MACROD2: variants seen among roughly 807,000 people sequenced by gnomAD.
MACROD2 encodes the protein ADP-ribose glycohydrolase MACROD2.
A neutral mutation model predicts 70.4 loss-of-function variants in MACROD2; 36 were observed. The observed-to-expected ratio is 0.51, with a 90% confidence interval of 0.39 to 0.68. The LOEUF is 0.68. MACROD2 is among the 30% of genes least tolerant of loss of function. MACROD2 has a pLI of 0.00. For synonymous variants in MACROD2, 172 were observed against 178.8 expected (o/e 0.96, Z 0.30); for missense variants, 496 against 538.4 (o/e 0.92, Z 0.78).
At chr20:15,594,982 C>T (rs559527938) in intron 8 of MACROD2, among the ~76,000 whole-genome samples, 37 of 152,196 alleles carry the variant, frequency 2.4e-4, no homozygotes, top group African/African-American at 7.5e-4. Context: ...TTCTTTGTTT[C>T]GTGTTTCCAA....
intron 8 of MACROD2, among the ~76,000 whole-genome samples, chr20:15,718,022 T>C (rs868235095): frequency 9.9e-5 from 15 of 151,326 alleles, no homozygotes; most frequent in African/African-American, 3.4e-4. Flanking sequence ...TTCTCTCTTT[T>C]TTTTTTTTTT....
At chr20:14,975,913 A>G (rs2074735161) in intron 5 of MACROD2, among the ~76,000 whole-genome samples, 1 of 152,168 alleles carries the variant, frequency 6.6e-6, no homozygotes, top group Admixed American at 6.5e-5. Context: ...GACGTATTTG[A>G]TGTTTGACAG....
chr20:14,301,054 A>T (rs895209204), intron 3 of MACROD2, among the ~76,000 whole-genome samples: 8 of 152,204 alleles, frequency 5.3e-5, no homozygotes, highest in Admixed American at 2.0e-4. Flanking sequence ...ACTCGCCACG[A>T]TCCTATCAGG....
intron 3 of MACROD2, among the ~76,000 whole-genome samples, chr20:14,264,259 A>G (rs1478920780): frequency 1.3e-5 from 2 of 152,150 alleles, no homozygotes; most frequent in Admixed American, 6.5e-5. Context: ...AAGTAAATAT[A>G]TTGTAAGTAA....
chr20:14,716,751 T>C (rs1321927992), intron 5 of MACROD2, among the ~76,000 whole-genome samples: 1 of 152,066 alleles, frequency 6.6e-6, no homozygotes, highest in Non-Finnish European at 1.5e-5. Context: ...ATTGAAACAG[T>C]ATGATGTTGA....
chr20:15,677,770 T>G (rs977724359), intron 8 of MACROD2, among the ~76,000 whole-genome samples: 29 of 152,148 alleles, frequency 1.9e-4, no homozygotes, highest in Non-Finnish European at 3.1e-4. Flanking sequence ...CGTTTTTACC[T>G]TATAAAAATG....
At chr20:16,039,389 T>G (rs529882359) in intron 15 of MACROD2, among the ~76,000 whole-genome samples, 11 of 151,952 alleles carry the variant, frequency 7.2e-5, no homozygotes, top group African/African-American at 9.7e-5. Flanking sequence ...TCTTGTCCAT[T>G]TTCCTATTAA....
At chr20:15,678,577 T>C (rs929787417) in intron 8 of MACROD2, among the ~76,000 whole-genome samples, 58 of 152,066 alleles carry the variant, frequency 3.8e-4, no homozygotes, top group Non-Finnish European at 3.5e-4. Context: ...GCCAGGATGG[T>C]CTCAATCTCC....
intron 5 of MACROD2, among the ~76,000 whole-genome samples, chr20:15,055,856 C>T (rs6135334): frequency 0.18 from 26,807 of 148,102 alleles, 2,851 homozygotes; most frequent in East Asian, 0.34. Context: ...AGTGCAGTGG[C>T]GCCATCTCGG....
intron 4 of MACROD2, among the ~76,000 whole-genome samples, chr20:14,684,307 T>C (rs1271168114): frequency 6.6e-6 from 1 of 152,216 alleles, no homozygotes; most frequent in African/African-American, 2.4e-5. Flanking sequence ...GGTTTGGTTT[T>C]GATTTTGGTA....
chr20:15,643,892 C>G (rs2049499992), intron 8 of MACROD2, among the ~76,000 whole-genome samples: 1 of 152,150 alleles, frequency 6.6e-6, no homozygotes, highest in South Asian at 2.1e-4. Flanking sequence ...CTACCATCCT[C>G]ACGGTCTTAA....
At chr20:14,080,828 C>T (rs1009676809) in intron 2 of MACROD2, among the ~76,000 whole-genome samples, 2 of 152,170 alleles carry the variant, frequency 1.3e-5, no homozygotes, top group Non-Finnish European at 2.9e-5. Context: ...CCACCTTCCT[C>T]ACTTGGCATC....
intron 8 of MACROD2, among the ~76,000 whole-genome samples, chr20:15,615,683 G>C (rs1337918516): frequency 6.6e-6 from 1 of 152,112 alleles, no homozygotes; most frequent in Admixed American, 6.5e-5. Flanking sequence ...GTCGGACTGA[G>C]GAGTGTCCTG....
intron 6 of MACROD2, among the ~76,000 whole-genome samples, chr20:15,335,380 A>G (rs1451857686): frequency 1.3e-5 from 2 of 151,538 alleles, no homozygotes; most frequent in East Asian, 1.9e-4. Flanking sequence ...CATCTATTAT[A>G]TGTAATCAGA....
chr20:14,100,770 A>G (rs1430016171), intron 3 of MACROD2, among the ~76,000 whole-genome samples: 1 of 140,336 alleles, frequency 7.1e-6, no homozygotes, highest in Non-Finnish European at 1.5e-5. Flanking sequence ...AATATAATCT[A>G]TAATATATAT....
intron 5 of MACROD2, among the ~76,000 whole-genome samples, chr20:15,179,479 C>T (rs1171528676): frequency 6.6e-6 from 1 of 152,156 alleles, no homozygotes; most frequent in African/African-American, 2.4e-5. Flanking sequence ...TAGCAGCTAA[C>T]ACTCCCAGAC....
intron 2 of MACROD2, among the ~76,000 whole-genome samples, chr20:14,070,281 A>G (rs2053820409): frequency 6.6e-6 from 1 of 151,478 alleles, no homozygotes; most frequent in Admixed American, 6.6e-5. Context: ...GAACTGAACT[A>G]TATATTTGAG....
chr20:14,206,818 C>T (rs373836983), intron 3 of MACROD2, among the ~76,000 whole-genome samples: 18 of 151,860 alleles, frequency 1.2e-4, no homozygotes, highest in East Asian at 7.7e-4. Flanking sequence ...CCAAAATTCC[C>T]ATTATATCAA....
At chr20:14,977,077 G>A (rs1193396080) in intron 5 of MACROD2, among the ~76,000 whole-genome samples, 1 of 152,012 alleles carries the variant, frequency 6.6e-6, no homozygotes, top group African/African-American at 2.4e-5. Context: ...CAAAAACAGG[G>A]TTTGTGTCAC....
Sources: allele counts gnomAD v4.1 joint callset (sites outside exome capture counted in the v4.1 genomes callset), GRCh38; gene constraint gnomAD v4.1.1; transcripts MANE v1.5; gene names NCBI Gene and HGNC (gene_info 2026-07-23, HGNC 2026-07-21).